The following CSPP1 variants were observed in gnomAD, a reference collection of about 807,000 sequenced individuals.
CSPP1 encodes the protein centrosome and spindle pole associated protein 1, also known as centrosome and spindle pole-associated protein 1.
CSPP1 carries 126 observed loss-of-function variants against 164.4 expected under a neutral mutation model. The observed-to-expected ratio is 0.77, with a 90% CI of 0.66 to 0.89. CSPP1 has a LOEUF of 0.89. Ranked by LOEUF, CSPP1 falls within the 40% of genes least tolerant of loss-of-function variation. The pLI is 0.00. For missense variants in CSPP1, 1,395 were observed against 1,449.8 expected (o/e 0.96, Z 0.61); for synonymous variants, 472 against 476.7 (o/e 0.99, Z 0.13).
rs777678843 is a variant in CSPP1 at position 67,172,423 on chromosome 8, G to A, written c.2836G>A (p.Glu946Lys). The change falls in exon 25 of 31, where the codon GAA becomes AAA. Residue 946 changes from glutamate (E) to lysine (K), a missense_variant. Transcript: ENST00000678616. The part of the protein sequence containing the change: ...SDDEIPIRKK[E>K]RNPMDIFDMA... ...TTTGTCATTTATCTATAGGAAAAAG[G>A]AAAGGAATCCCATGGATATATTTGA... 1.2e-6 allele frequency: 2 copies of A among 1,611,396 alleles called. No individual in the cohort carries two copies. The highest frequency in any genetic ancestry group is 2.2e-5 in the South Asian group (2 of 90,588).
intron 9 of CSPP1, among the ~76,000 whole-genome samples, chr8:67,109,150 T>C (rs908051918): frequency 2.0e-5 from 3 of 152,244 alleles, no homozygotes; most frequent in Non-Finnish European, 4.4e-5. Flanking sequence ...GGCTGCCTTT[T>C]AACCGGAGGC....
intron 28 of CSPP1, among the ~76,000 whole-genome samples, chr8:67,180,694 TG>T (rs1184573851): frequency 2.0e-5 from 3 of 152,150 alleles, no homozygotes; most frequent in African/African-American, 7.2e-5. Context: ...ATGTTACCAT[TG>T]GGGGAAACTG....
At chr8:67,099,601 A>G (rs565415674) in intron 7 of CSPP1, among the ~76,000 whole-genome samples, 25 of 152,158 alleles carry the variant, frequency 1.6e-4, no homozygotes, top group Non-Finnish European at 3.5e-4. Flanking sequence ...ATGATTGAAT[A>G]GAGATGTAGC....
chr8:67,160,021 C>CTT (rs1176669909), intron 21 of CSPP1, among the ~76,000 whole-genome samples: 1 of 61,386 alleles, frequency 1.6e-5, no homozygotes, highest in Non-Finnish European at 2.9e-5. Context: ...CTTTTCTTTT[C>CTT]TTTTCTTTTC....
intron 24 of CSPP1, among the ~76,000 whole-genome samples, chr8:67,167,901 C>T (rs1382756921): frequency 4.0e-4 from 60 of 151,212 alleles, no homozygotes; most frequent in African/African-American, 1.2e-3. Context: ...GGGTGGCGGC[C>T]GGGCAGAGGC....
intron 29 of CSPP1, among the ~76,000 whole-genome samples, chr8:67,192,154 C>G (rs778334171): frequency 6.6e-6 from 1 of 151,440 alleles, no homozygotes; most frequent in Non-Finnish European, 1.5e-5. Flanking sequence ...TGCACTGCAC[C>G]CTCTGCCCCA....
chr8:67,170,755 G>T (rs1005673459), intron 24 of CSPP1, among the ~76,000 whole-genome samples: 4 of 152,022 alleles, frequency 2.6e-5, no homozygotes, highest in African/African-American at 4.8e-5. Context: ...TTAAGGTAAA[G>T]GATGGAACTA....
intron 15 of CSPP1, 99 bp from the exon 16 acceptor site, chr8:67,131,852 T>A: frequency 9.3e-7 from 1 of 1,071,930 alleles, no homozygotes; most frequent in South Asian, 1.9e-5. Context: ...TCTGTATTTT[T>A]AAATGTATTT....
At chr8:67,155,146 A>G (rs1221137120) in intron 19 of CSPP1, among the ~76,000 whole-genome samples, 1 of 152,170 alleles carries the variant, frequency 6.6e-6, no homozygotes, top group Non-Finnish European at 1.5e-5. Context: ...GCTGAGTCCT[A>G]GGGATGGAGC....
chr8:67,130,197 C>T (rs142631647), intron 15 of CSPP1, among the ~76,000 whole-genome samples: 80 of 152,270 alleles, frequency 5.3e-4, no homozygotes, highest in East Asian at 4.2e-3. Context: ...AGATATACCA[C>T]GGGATGACTA....
intron 15 of CSPP1, among the ~76,000 whole-genome samples, chr8:67,128,390 T>C (rs995582993): frequency 3.3e-5 from 5 of 151,914 alleles, no homozygotes; most frequent in Admixed American, 1.3e-4. Context: ...AATACAAAAA[T>C]TAGCTGGGCG....
intron 12 of CSPP1, 102 bp from the exon 13 acceptor site, chr8:67,115,812 G>A: frequency 1.4e-6 from 1 of 715,394 alleles, no homozygotes; most frequent in East Asian, 2.6e-5. Context: ...GTTATTCTGT[G>A]ACTGTCTTAA....
At position 67,079,035 on chromosome 8, in the gene CSPP1, A is replaced by G. The variant is rs538510129; in HGVS notation, c.199+2454A>G. ...ATTATTCTTTGATCATTACATTCAC[A>G]TATTATGGAGAGTTAACAGTATAAC... On this transcript the variant is annotated intron_variant, in intron 3 of 30. Coordinates refer to ENST00000678616, the MANE Select transcript of CSPP1 (RefSeq NM_001382391.1). Among the ~76,000 whole-genome samples, 41 of 152,262 alleles carry G rather than the reference A, an allele frequency of 2.7e-4. No homozygotes were observed. The South Asian group carries it at 8.3e-3, about 31-fold the overall frequency.
intron 15 of CSPP1, among the ~76,000 whole-genome samples, chr8:67,125,132 G>A (rs1488586966): frequency 6.6e-6 from 1 of 152,080 alleles, no homozygotes; most frequent in Non-Finnish European, 1.5e-5. Flanking sequence ...TCAAGCTGAA[G>A]GACTCCCTTC....
chr8:67,097,135 G>C (rs1812977461), intron 7 of CSPP1, among the ~76,000 whole-genome samples: 2 of 152,112 alleles, frequency 1.3e-5, no homozygotes, highest in African/African-American at 4.8e-5. Flanking sequence ...TCTCATATTT[G>C]TCATTGACTT....
chr8:67,183,551 C>G (rs1399624067), intron 28 of CSPP1, among the ~76,000 whole-genome samples: 1 of 152,060 alleles, frequency 6.6e-6, no homozygotes, highest in African/African-American at 2.4e-5. Context: ...CTAAATAACG[C>G]ATAGGTCAGA....
intron 16 of CSPP1, among the ~76,000 whole-genome samples, chr8:67,136,568 C>CAAAAAAAA (rs35184133): frequency 3.6e-5 from 1 of 27,686 alleles, no homozygotes; most frequent in Admixed American, 4.2e-4. Context: ...GACTCCGTCT[C>CAAAAAAAA]AAAAAAAAAA....
At chr8:67,109,924 G>A (rs181955649) in intron 9 of CSPP1, among the ~76,000 whole-genome samples, 177 of 152,190 alleles carry the variant, frequency 1.2e-3, no homozygotes, top group African/African-American at 4.0e-3. Flanking sequence ...AGCTGTCTGT[G>A]CTACTCCCGT....
At chr8:67,181,102 A>G (rs1348371128) in intron 28 of CSPP1, among the ~76,000 whole-genome samples, 2 of 152,024 alleles carry the variant, frequency 1.3e-5, no homozygotes, top group African/African-American at 2.4e-5. Context: ...CAGCAGCACA[A>G]TCATTGCTCA....
Sources: allele counts gnomAD v4.1 joint callset (sites outside exome capture counted in the v4.1 genomes callset), GRCh38; gene constraint gnomAD v4.1.1; transcripts MANE v1.5; gene names NCBI Gene and HGNC (gene_info 2026-07-23, HGNC 2026-07-21).